Variants in HS3ST4 observed in about 807,000 individuals in gnomAD.
HS3ST4 encodes the protein heparan sulfate-glucosamine 3-sulfotransferase 4.
Under a neutral mutation model 29.2 loss-of-function variants are expected in HS3ST4, and 17 were observed. The ratio of observed to expected loss-of-function variants is 0.58; its 90% CI spans 0.40 to 0.87. The LOEUF is 0.87. Among genes scored for constraint, HS3ST4 ranks in the 40% least tolerant of loss-of-function variants. The pLI is 0.00. For missense variants in HS3ST4, 627 were observed against 634.5 expected (o/e 0.99, Z 0.13); for synonymous variants, 314 against 285.7 (o/e 1.10, Z -1.00).
At chr16:25,722,910 G>A (rs1243399238) in intron 1 of HS3ST4, among the ~76,000 whole-genome samples, 1 of 152,168 alleles carries the variant, frequency 6.6e-6, no homozygotes, top group Admixed American at 6.5e-5. Context: ...TATTTATAAA[G>A]AAAAAGAGGT....
intron 1 of HS3ST4, among the ~76,000 whole-genome samples, chr16:25,886,027 G>GT (rs34713423): frequency 0.089 from 7,359 of 82,508 alleles, 723 homozygotes; most frequent in East Asian, 0.24. Context: ...TCTTACTGTG[G>GT]TTTTTTTTTT....
At chr16:25,903,993 A>G (rs1375133595) in intron 1 of HS3ST4, among the ~76,000 whole-genome samples, 1 of 152,230 alleles carries the variant, frequency 6.6e-6, no homozygotes, top group Non-Finnish European at 1.5e-5. Flanking sequence ...AAATGAATCA[A>G]TGGGTGGATA....
At chr16:25,741,041 T>C (rs930502053) in intron 1 of HS3ST4, among the ~76,000 whole-genome samples, 36 of 140,876 alleles carry the variant, frequency 2.6e-4, no homozygotes, top group Admixed American at 2.7e-4. Flanking sequence ...AGTGTGTGTC[T>C]GTGTGTGTGT....
chr16:25,851,155 C>T (rs947669071), intron 1 of HS3ST4, among the ~76,000 whole-genome samples: 3 of 152,176 alleles, frequency 2.0e-5, no homozygotes, highest in Non-Finnish European at 2.9e-5. Flanking sequence ...ATGTTTCTGT[C>T]CCATCCTGTA....
chr16:25,768,688 C>T (rs1324273073), intron 1 of HS3ST4, among the ~76,000 whole-genome samples: 4 of 152,062 alleles, frequency 2.6e-5, no homozygotes, highest in Non-Finnish European at 5.9e-5. Flanking sequence ...CTGGGAGAGT[C>T]ACTGAGGTCC....
In HS3ST4 at chr16:26,136,320, C is replaced by A; in HGVS notation, c.*72C>A. The A allele has an allele frequency of 7.3e-7, 1 of 1,363,738 alleles. No individual in the cohort carries two copies. 84.5% of individuals were successfully genotyped at this position (1,363,738 alleles called of 1,614,324 possible). On this transcript the variant is annotated 3_prime_UTR_variant, in exon 2 of 2. Coordinates refer to ENST00000331351, the MANE Select transcript of HS3ST4 (RefSeq NM_006040.3). The stretch of plus-strand genomic sequence containing the variant: ...TTGCCTGAGTCCTTGAATACCCCAG[C>A]TTCTGCAGCTTCACTTGCTGGAGTG...
At chr16:26,128,995 G>A (rs1596691944) in intron 1 of HS3ST4, among the ~76,000 whole-genome samples, 1 of 152,166 alleles carries the variant, frequency 6.6e-6, no homozygotes, top group Non-Finnish European at 1.5e-5. Flanking sequence ...AATGTAAGAT[G>A]CCCACACACC....
chr16:25,908,289 C>T (rs891477854), intron 1 of HS3ST4, among the ~76,000 whole-genome samples: 2 of 152,176 alleles, frequency 1.3e-5, no homozygotes, highest in African/African-American at 4.8e-5. Flanking sequence ...AGCAGCATCA[C>T]CCATGAATTG....
intron 1 of HS3ST4, among the ~76,000 whole-genome samples, chr16:25,794,314 A>G (rs117546950): frequency 2.8e-4 from 43 of 151,988 alleles, no homozygotes; most frequent in Admixed American, 3.3e-4. Flanking sequence ...TCTCATATTT[A>G]ATCTTTCTTT....
intron 1 of HS3ST4, among the ~76,000 whole-genome samples, chr16:25,798,579 T>C (rs1339311578): frequency 6.6e-6 from 1 of 152,170 alleles, no homozygotes; most frequent in Non-Finnish European, 1.5e-5. Context: ...ACATGGACCA[T>C]TCTGATGCTA....
At position 25,831,796 on chromosome 16, in the gene HS3ST4, G is replaced by T. The variant is rs572136077; in HGVS notation, c.734+138645G>T. 4.6e-5 allele frequency among the ~76,000 whole-genome samples: 7 copies of T among 152,112 alleles called. No individual in the cohort carries two copies. In the East Asian group the frequency reaches 5.8e-4, roughly 13 times the overall value. ...AATACATGAGTGAAGATTTGGTTAGGATATGAATAAATATTTATAATCACA... is the reference window on the plus strand; with the variant it reads ...AATACATGAGTGAAGATTTGGTTAGTATATGAATAAATATTTATAATCACA... On this transcript the variant is annotated intron_variant, in intron 1 of 1. Coordinates refer to ENST00000331351, the MANE Select transcript of HS3ST4 (RefSeq NM_006040.3).
intron 1 of HS3ST4, among the ~76,000 whole-genome samples, chr16:26,037,579 A>G (rs145434138): frequency 6.4e-4 from 98 of 152,332 alleles, no homozygotes; most frequent in African/African-American, 2.3e-3. Flanking sequence ...ATTGGCAAAT[A>G]AATCTGAGAA....
At chr16:25,915,478 G>A (rs1294714213) in intron 1 of HS3ST4, among the ~76,000 whole-genome samples, 2 of 152,092 alleles carry the variant, frequency 1.3e-5, no homozygotes, top group African/African-American at 4.8e-5. Flanking sequence ...AATTCCAAGA[G>A]CATAACATCT....
chr16:26,103,789 T>A (rs544741019), intron 1 of HS3ST4, among the ~76,000 whole-genome samples: 46 of 152,160 alleles, frequency 3.0e-4, no homozygotes, highest in Non-Finnish European at 6.2e-4. Flanking sequence ...CTCATTCGTT[T>A]TGGTCCCTGA....
At chr16:25,813,295 A>G (rs962980946) in intron 1 of HS3ST4, among the ~76,000 whole-genome samples, 15 of 152,178 alleles carry the variant, frequency 9.9e-5, no homozygotes, top group Non-Finnish European at 1.6e-4. Context: ...AATTAACAAA[A>G]CAGGTGTTAG....
At chr16:25,783,217 C>A (rs191865819) in intron 1 of HS3ST4, among the ~76,000 whole-genome samples, 1 of 152,246 alleles carries the variant, frequency 6.6e-6, no homozygotes, top group African/African-American at 2.4e-5. Context: ...TTTCTTTTCA[C>A]CAATCTAATT....
Position 25,999,276 on chromosome 16 carries a change from T to A in HS3ST4, c.735-136336T>A, listed in dbSNP as rs555158731. On this transcript the variant is annotated intron_variant, in intron 1 of 1. Transcript: ENST00000331351. ...CATGGTAGTACTAATTTCATCATTG[T>A]ATTTTTTAGCATTTGGCAGTAAAAT... is the stretch of plus-strand genomic sequence containing the variant. Among the ~76,000 whole-genome samples, 7 of 152,268 alleles carry A rather than the reference T, an allele frequency of 4.6e-5. No homozygotes were observed. In the South Asian group the frequency reaches 1.5e-3, roughly 32 times the overall value.
At chr16:25,724,188 G>C (rs920843346) in intron 1 of HS3ST4, among the ~76,000 whole-genome samples, 2 of 151,256 alleles carry the variant, frequency 1.3e-5, no homozygotes, top group Non-Finnish European at 2.9e-5. Context: ...TTTGAGCCAG[G>C]ATAGTGTCTG....
intron 1 of HS3ST4, among the ~76,000 whole-genome samples, chr16:25,878,521 A>G (rs893285547): frequency 1.3e-5 from 2 of 152,156 alleles, no homozygotes; most frequent in African/African-American, 4.8e-5. Flanking sequence ...TAACACAACC[A>G]AAAATGGTCC....
Sources: allele counts gnomAD v4.1 joint callset (sites outside exome capture counted in the v4.1 genomes callset), GRCh38; gene constraint gnomAD v4.1.1; transcripts MANE v1.5; gene names NCBI Gene and HGNC (gene_info 2026-07-23, HGNC 2026-07-21).